The following WBP11 variants were observed in gnomAD, a reference collection of about 807,000 sequenced individuals.
WBP11 encodes the protein WW domain-binding protein 11.
Under a neutral mutation model 66.7 loss-of-function variants are expected in WBP11, and 12 were observed. The observed-to-expected ratio is 0.18, with a 90% confidence interval of 0.12 to 0.29. The LOEUF is 0.29. Ranked by LOEUF, WBP11 falls within the 10% of genes least tolerant of loss-of-function variation. The probability of loss-of-function intolerance (pLI) is 1.00; values close to 1 mark genes in which losing one functional copy is unlikely to be tolerated. For missense variants in WBP11, 555 were observed against 818.3 expected, an observed-to-expected ratio of 0.68 and a Z score of 3.93; for synonymous variants, 255 against 273.8, an observed-to-expected ratio of 0.93 and a Z score of 0.68.
intron 4 of WBP11, among the ~76,000 whole-genome samples, chr12:14,797,817 A>C (rs1442614989): frequency 6.6e-6 from 1 of 152,222 alleles, no homozygotes; most frequent in Non-Finnish European, 1.5e-5. Context: ...CTCAATCATC[A>C]CTAATTACAC....
At chr12:14,799,446 G>T (rs753801825) in intron 4 of WBP11, 189 bp downstream of exon 4, 7 of 435,710 alleles carry the variant, frequency 1.6e-5, no homozygotes, top group Non-Finnish European at 2.0e-5. Flanking sequence ...CTCTTATTCT[G>T]GTATCTGGGG....
At position 14,787,183 on chromosome 12, in the gene WBP11, T is replaced by A; in HGVS notation, c.1808A>T (p.Asp603Val). Residue 603 changes from aspartate (D) to valine (V), a missense_variant, in exon 12 of 12, where the codon GAT becomes GTT. Physicochemically the swap from Asp to Val is radical, Grantham distance 152. This residue lies in a region of WBP11 where 50 missense variants were observed against 68.3 expected (regional missense o/e 0.73). Transcript: ENST00000261167. The stretch of plus-strand genomic sequence containing the variant: ...TGCTTTGGCAAGAGGCACAGCAGAA[T>A]CATCCTCTGACTTTCTTTGGGGAGC... ...TAAPQRKSED[D>V]SAVPLAKAAP... 1 of 1,613,994 alleles carries A rather than the reference T, an allele frequency of 6.2e-7. No homozygotes were observed. The highest frequency in any genetic ancestry group is 8.5e-7 in the Non-Finnish European group (1 of 1,180,034).
chr12:14,801,479 T>C, intron 1 of WBP11, 51 bp from the exon 2 acceptor site: 1 of 1,240,998 alleles, frequency 8.1e-7, no homozygotes, highest in Non-Finnish European at 1.2e-6. Flanking sequence ...ATGTATTTCT[T>C]CCTTTTTCTA....
At chr12:14,790,797 C>T (rs185669729) in intron 9 of WBP11, 48 bp from the exon 10 acceptor site, 26 of 1,555,332 alleles carry the variant, frequency 1.7e-5, no homozygotes, top group Middle Eastern at 1.7e-4. Flanking sequence ...CATTTTCTTA[C>T]AGTTTGGAGA....
intron 10 of WBP11, 31 bp from the exon 11 acceptor site, chr12:14,789,164 A>C (rs2137229167): frequency 1.3e-6 from 2 of 1,495,290 alleles, no homozygotes; most frequent in Non-Finnish European, 8.9e-7. Flanking sequence ...AATTAATGTC[A>C]CACAAATGTA....
chr12:14,797,410 C>G (rs1215675523), intron 4 of WBP11, among the ~76,000 whole-genome samples: 1 of 152,178 alleles, frequency 6.6e-6, no homozygotes, highest in Non-Finnish European at 1.5e-5. Context: ...ACGTTAATCA[C>G]TTTGTAATAA....
rs201563071 is a variant in WBP11, at chr12:14,794,684, G to A, written c.574C>T (p.Arg192Cys). The A allele has an allele frequency of 2.0e-5, 32 of 1,607,246 alleles. No individual in the cohort carries two copies. In the East Asian group the frequency reaches 4.9e-4, roughly 25 times the overall value. The change falls in exon 7 of 12, where the codon CGT (arginine) becomes TGT (cysteine). Residue 192 changes from arginine (R) to cysteine (C), a missense_variant. By Grantham distance (180) the Arg-to-Cys change is radical. Around this residue, in one of 6 missense-constraint regions of WBP11, gnomAD observed 220 missense variants for 268.2 expected, o/e 0.82. Transcript: ENST00000261167. ...GGAGGTTTTCTGCCAGGGGGCAAACGTGGAACACCATGTCCAAGAAGAGGA... is the reference window on the plus strand; with the variant it reads ...GGAGGTTTTCTGCCAGGGGGCAAACATGGAACACCATGTCCAAGAAGAGGA... ...ILPLLGHGVPRLPPGRKPPGP... is the reference protein window; with the variant it reads ...ILPLLGHGVPCLPPGRKPPGP...
rs1057408105 is a variant in WBP11 at position 14,786,825 on chromosome 12, T to C, written c.*240A>G. On this transcript the variant is annotated 3_prime_UTR_variant, in exon 12 of 12. Transcript: ENST00000261167. ...AGGAGGGGAAGAAACAGGGTGAAAA[T>C]GGTGGTATGAAAGGGAATGGATGTT... 2.6e-6 allele frequency: 1 copy of C among 392,150 alleles called. No individual in the cohort carries two copies. The highest frequency in any genetic ancestry group is 2.0e-5 in the African/African-American group (1 of 49,898). The allele number at this position is 392,150 out of a possible 1,614,324, so 24.3% of individuals were successfully genotyped here.
Position 14,787,458 on chromosome 12 carries a change from C to A in WBP11, c.1533G>T (p.Leu511Phe). ...GGGGGGCAGGTCCAAGGGGAGGCAC[C>A]AAAGGTGGGCGCATCATGCCAGGAC... Reference protein sequence around the residue: ...PPRPGMMRPPLVPPLGPAPPG... With the variant: ...PPRPGMMRPPFVPPLGPAPPG... Residue 511 changes from leucine (L) to phenylalanine (F), a missense_variant, in exon 12 of 12, where the codon TTG becomes TTT. Physicochemically the swap from Leu to Phe is conservative, Grantham distance 22. Transcript: ENST00000261167. 1 of 1,523,668 alleles carries A rather than the reference C, an allele frequency of 6.6e-7. No individual in the cohort carries two copies. Among genetic ancestry groups the A allele is most frequent in the Non-Finnish European group, 8.8e-7 (1 of 1,135,472 alleles). 94.4% of individuals were successfully genotyped at this position (1,523,668 alleles called of 1,614,324 possible).
Position 14,794,982 on chromosome 12 carries a change from G to A in WBP11, c.510C>T (p.Thr170=), listed in dbSNP as rs753521138. ...CACTGCTTCCTTACCCATAGGCTGA[G>A]GTTTTCTTTAGGATAGAGGGTGGCT... is the stretch of plus-strand genomic sequence containing the variant. ...GAQPPSILKK[T]SAYGPPTRAV... The change falls in exon 6 of 12, where the codon ACC becomes ACT. Residue 170 remains threonine, a synonymous_variant. Coordinates refer to ENST00000261167, the MANE Select transcript of WBP11 (RefSeq NM_016312.3). 1.9e-6 allele frequency: 3 copies of A among 1,612,238 alleles called. No individual in the cohort carries two copies. The highest frequency in any genetic ancestry group is 1.7e-6 in the Non-Finnish European group (2 of 1,180,008).
Position 14,795,084 on chromosome 12 carries a change from C to T in WBP11, c.408G>A (p.Val136=). The T allele has an allele frequency of 1.9e-6, 3 of 1,611,344 alleles. No homozygotes were observed. Among genetic ancestry groups the T allele is most frequent in the Non-Finnish European group, 2.5e-6 (3 of 1,178,982 alleles). ...DAVKNAQHVE[V]ESIPLPDMPH... is the part of the protein sequence containing the mutation. ...GCATATCTGGCAAAGGAATACTCTC[C>T]ACTTCCACATGCTGAGCATTCTGAA... The change falls in exon 6 of 12, where the codon GTG becomes GTA. Residue 136 remains valine (V), a synonymous_variant. Transcript: ENST00000261167.
chr12:14,795,495 G>A (rs1279278799), intron 5 of WBP11, among the ~76,000 whole-genome samples: 1 of 152,124 alleles, frequency 6.6e-6, no homozygotes, highest in East Asian at 1.9e-4. Context: ...ATTTTGGGAG[G>A]CTGACGCAGG....
At chr12:14,792,987 A>G (rs564960499) in intron 8 of WBP11, among the ~76,000 whole-genome samples, 10 of 152,248 alleles carry the variant, frequency 6.6e-5, no homozygotes, top group Admixed American at 2.6e-4. Context: ...GTCCTCTATA[A>G]TTATCTTTCA....
chr12:14,793,064 G>A (rs1002654352), intron 8 of WBP11, among the ~76,000 whole-genome samples: 1 of 151,926 alleles, frequency 6.6e-6, no homozygotes, highest in South Asian at 2.1e-4. Flanking sequence ...GACACAGCAG[G>A]AGAAAAATTT....
rs1369310020 is a variant in WBP11, at chr12:14,784,834, C to T, written c.*2231G>A. On this transcript the variant is annotated 3_prime_UTR_variant, in exon 12 of 12. Coordinates refer to ENST00000261167, the MANE Select transcript of WBP11 (RefSeq NM_016312.3). ...TTACATTTCATAGCTGTGAGCTGAC[C>T]ATTTTCATGAAAATATTATGTAAAT... is the stretch of plus-strand genomic sequence containing the variant. 6.6e-6 allele frequency: 1 copy of T among 152,080 alleles called. No homozygotes were observed. The highest frequency in any genetic ancestry group is 1.5e-5 in the Non-Finnish European group (1 of 68,018). The allele number at this position is 152,080 out of a possible 1,614,324, so 9.4% of individuals were successfully genotyped here.
intron 3 of WBP11, among the ~76,000 whole-genome samples, chr12:14,800,423 C>T (rs1241968964): frequency 6.6e-6 from 1 of 151,890 alleles, no homozygotes; most frequent in Non-Finnish European, 1.5e-5. Context: ...ATAAAGCTAT[C>T]TAGCATCATG....
Position 14,795,405 on chromosome 12 carries a change from C to G in WBP11, c.388-301G>C, listed in dbSNP as rs541864616. ...AAAGCCAACTGTTACAAGTATCTAG[C>G]ACCAGAACTACCCTATTTAACATGT... On this transcript the variant is annotated intron_variant, in intron 5 of 11. Coordinates refer to ENST00000261167, the MANE Select transcript of WBP11 (RefSeq NM_016312.3). 2.2e-4 allele frequency among the ~76,000 whole-genome samples: 33 copies of G among 152,240 alleles called. No homozygotes were observed. In the South Asian group the frequency reaches 6.8e-3, roughly 32 times the overall value.
At chr12:14,802,709 G>C (rs1250508637) in intron 1 of WBP11, among the ~76,000 whole-genome samples, 1 of 151,142 alleles carries the variant, frequency 6.6e-6, no homozygotes, top group Non-Finnish European at 1.5e-5. Context: ...GGTTAGGGGG[G>C]TGGGAGAGCA....
At chr12:14,802,165 T>A (rs917635637) in intron 1 of WBP11, 1 of 152,234 alleles carries the variant, frequency 6.6e-6, no homozygotes, top group Non-Finnish European at 1.5e-5. Context: ...GGAATACTTA[T>A]TTTTGTTTGA....
Sources: gnomAD v4.1 joint callset for allele counts (sites outside exome capture counted in the v4.1 genomes callset) on GRCh38, gnomAD v4.1.1 for gene constraint, gnomAD v4.1.1 regional missense constraint, MANE v1.5 for transcripts, NCBI Gene and HGNC (gene_info 2026-07-23, HGNC 2026-07-21) for gene names.